DAB1: variants seen among roughly 807,000 people sequenced by gnomAD.
The protein encoded by DAB1 is DAB adaptor protein 1.
Under a neutral mutation model 64.6 loss-of-function variants are expected in DAB1, and 15 were observed. That is an observed-to-expected ratio of 0.23 (90% CI 0.16 to 0.36). DAB1 has a LOEUF of 0.36. DAB1 is among the 10% of genes least tolerant of loss of function. The pLI is 1.00. For synonymous variants in DAB1, 235 were observed against 251.9 expected (o/e 0.93, Z 0.64); for missense variants, 596 against 706.7 (o/e 0.84, Z 1.78).
intron 6 of DAB1, among the ~76,000 whole-genome samples, chr1:57,739,454 C>T (rs1242014597): frequency 1.5e-5 from 1 of 65,708 alleles, no homozygotes; most frequent in Non-Finnish European, 3.0e-5. Flanking sequence ...CCCCTCCCCT[C>T]CCCTTCCCTC....
chr1:58,392,682 A>G (rs1644485818), intron 3 of DAB1, among the ~76,000 whole-genome samples: 1 of 152,216 alleles, frequency 6.6e-6, no homozygotes, highest in Non-Finnish European at 1.5e-5. Context: ...TGGGGGAAAC[A>G]TGAGCTATAT....
chr1:57,992,420 G>A (rs1176782664), intron 5 of DAB1, among the ~76,000 whole-genome samples: 1 of 152,152 alleles, frequency 6.6e-6, no homozygotes, highest in Non-Finnish European at 1.5e-5. Flanking sequence ...GGAACACAAA[G>A]TTATTGAAAA....
intron 1 of DAB1, among the ~76,000 whole-genome samples, chr1:57,401,345 C>T (rs150709306): frequency 5.6e-4 from 85 of 152,216 alleles, no homozygotes; most frequent in African/African-American, 2.0e-3. Context: ...CATGTGGTTG[C>T]TAAATATTTA....
At chr1:58,436,813 G>A (rs1268002036) in intron 3 of DAB1, among the ~76,000 whole-genome samples, 1 of 152,220 alleles carries the variant, frequency 6.6e-6, no homozygotes, top group East Asian at 1.9e-4. Context: ...TGTCAGCGAT[G>A]TTTGCACTTC....
chr1:57,583,769 G>A (rs1028143843), intron 7 of DAB1, among the ~76,000 whole-genome samples: 1 of 152,110 alleles, frequency 6.6e-6, no homozygotes, highest in Non-Finnish European at 1.5e-5. Flanking sequence ...GCCTCACATG[G>A]GATAGTGGTG....
In DAB1 at chr1:57,926,905, T is replaced by C. The variant is rs1032875935; in HGVS notation, n.388-42743A>G. On this transcript the variant is annotated intron_variant and non_coding_transcript_variant, in intron 5 of 20. Transcript: ENST00000485760. ...TTACAGTCAATTACCTTTGATAATA[T>C]AGTTTCTCACAGAACAGCATTCTGG... 4.6e-5 allele frequency among the ~76,000 whole-genome samples: 7 copies of C among 152,170 alleles called. No individual in the cohort carries two copies. The South Asian group carries it at 6.2e-4, about 14-fold the overall frequency.
rs577367030 is a variant in DAB1, at chr1:57,775,720, G to A, written n.551+108279C>T. ...TTTTATAAAATATTATTTCAAATTGGTTGATCATACTGATCAAAGCTTCTA... is the reference window on the plus strand; with the variant it reads ...TTTTATAAAATATTATTTCAAATTGATTGATCATACTGATCAAAGCTTCTA... On this transcript the variant is annotated intron_variant and non_coding_transcript_variant, in intron 6 of 20. Transcript: ENST00000485760. Among the ~76,000 whole-genome samples, 8 of 151,566 alleles carry A rather than the reference G, an allele frequency of 5.3e-5. No homozygotes were observed. In the East Asian group the frequency reaches 7.8e-4, roughly 15 times the overall value.
At chr1:57,145,733 T>C (rs1259217083) in intron 2 of DAB1, among the ~76,000 whole-genome samples, 1 of 152,190 alleles carries the variant, frequency 6.6e-6, no homozygotes, top group South Asian at 2.1e-4. Flanking sequence ...GTGAAGCATC[T>C]AATTCAGGGT....
intron 6 of DAB1, among the ~76,000 whole-genome samples, chr1:57,683,812 G>A (rs1437794619): frequency 6.6e-6 from 1 of 152,158 alleles, no homozygotes; most frequent in Non-Finnish European, 1.5e-5. Flanking sequence ...TCAGAATCTG[G>A]ATGACAAGGA....
In DAB1 at chr1:58,131,375, G is replaced by A. The variant is rs1435762642; in HGVS notation, n.387+19136C>T. On this transcript the variant is annotated intron_variant and non_coding_transcript_variant, in intron 5 of 20. Coordinates refer to the DAB1 transcript ENST00000485760. ...TACATTCTTCTAAATTTTTTTCAAAGTTTTCAACTTCATTGCCTTTGGTTT... is the reference window on the plus strand; with the variant it reads ...TACATTCTTCTAAATTTTTTTCAAAATTTTCAACTTCATTGCCTTTGGTTT... Among the ~76,000 whole-genome samples the A allele has an allele frequency of 1.4e-5, 2 of 142,422 alleles. 1 individual carries two copies. Among genetic ancestry groups the A allele is most frequent in the African/African-American group, 5.1e-5 (2 of 39,478 alleles). The allele number at this position is 142,422 out of a possible 152,430, so 93.4% of individuals were successfully genotyped here.
chr1:58,233,172 T>G (rs1015936075), intron 4 of DAB1, among the ~76,000 whole-genome samples: 2 of 152,176 alleles, frequency 1.3e-5, no homozygotes, highest in Non-Finnish European at 2.9e-5. Flanking sequence ...CCTCTTTTTC[T>G]CCCCAATCTC....
chr1:58,026,002 C>T (rs147333219), intron 5 of DAB1, among the ~76,000 whole-genome samples: 33 of 152,078 alleles, frequency 2.2e-4, no homozygotes, highest in African/African-American at 7.2e-4. Flanking sequence ...TTAACTAAAA[C>T]GGCATTTTAC....
chr1:57,964,300 T>C (rs1474353984), intron 5 of DAB1, among the ~76,000 whole-genome samples: 1 of 152,228 alleles, frequency 6.6e-6, no homozygotes, highest in African/African-American at 2.4e-5. Context: ...AATGTATTGC[T>C]GTATATTCTT....
chr1:58,156,201 C>T (rs1655220420), intron 4 of DAB1, among the ~76,000 whole-genome samples: 1 of 152,202 alleles, frequency 6.6e-6, no homozygotes, highest in Admixed American at 6.5e-5. Context: ...TTATCTAGCA[C>T]TTGCTTCTCC....
intron 5 of DAB1, among the ~76,000 whole-genome samples, chr1:58,045,322 C>T (rs1647215472): frequency 1.3e-5 from 2 of 152,122 alleles, no homozygotes; most frequent in Middle Eastern, 3.2e-3. Context: ...ACTGCCATAC[C>T]GAGGGGGTAA....
At chr1:57,252,269 G>C (rs1669403594) in intron 2 of DAB1, among the ~76,000 whole-genome samples, 3 of 152,112 alleles carry the variant, frequency 2.0e-5, no homozygotes, top group Non-Finnish European at 1.5e-5. Context: ...GTAGCAGGTG[G>C]ATGAAATTTC....
At chr1:58,484,434 G>A (rs1645540404) in intron 3 of DAB1, among the ~76,000 whole-genome samples, 1 of 152,164 alleles carries the variant, frequency 6.6e-6, no homozygotes, top group African/African-American at 2.4e-5. Flanking sequence ...AACCTTTAAT[G>A]TCACCAGTAA....
At chr1:57,393,338 C>T (rs1282518712) in intron 1 of DAB1, among the ~76,000 whole-genome samples, 1 of 152,156 alleles carries the variant, frequency 6.6e-6, no homozygotes, top group Non-Finnish European at 1.5e-5. Context: ...GCATAGGGAT[C>T]TGATTCAGGC....
At chr1:57,383,581 G>C (rs1347835163) in intron 1 of DAB1, among the ~76,000 whole-genome samples, 1 of 152,164 alleles carries the variant, frequency 6.6e-6, no homozygotes, top group African/African-American at 2.4e-5. Context: ...ACCAATAGAA[G>C]AGAACAGAAA....
Sources: allele counts gnomAD v4.1 joint callset (sites outside exome capture counted in the v4.1 genomes callset), GRCh38; gene constraint gnomAD v4.1.1; transcripts MANE v1.5; gene names NCBI Gene and HGNC (gene_info 2026-07-23, HGNC 2026-07-21).